Variants in SUMF1 observed in about 807,000 individuals in gnomAD.
The protein encoded by SUMF1 is formylglycine-generating enzyme.
In SUMF1, 48 loss-of-function variants were observed where a neutral mutation model predicts 47.6. That is an observed-to-expected ratio of 1.01 (90% confidence interval 0.80 to 1.28). SUMF1 has a LOEUF of 1.28. SUMF1 is among the 50% of genes most tolerant of loss of function. SUMF1 has a pLI of 0.00. For synonymous variants in SUMF1, 230 were observed against 192.1 expected, an observed-to-expected ratio of 1.20 and a Z score of -1.63; for missense variants, 571 against 485.4, an observed-to-expected ratio of 1.18 and a Z score of -1.66.
At chr3:4,184,445 A>G (rs962224681) in intron 8 of SUMF1, among the ~76,000 whole-genome samples, 2 of 151,934 alleles carry the variant, frequency 1.3e-5, no homozygotes, top group Non-Finnish European at 2.9e-5. Context: ...GACAAAGTGA[A>G]ACTGGGTCTC....
intron 8 of SUMF1, chr3:4,317,007 G>A (rs1248012681): frequency 2.6e-6 from 4 of 1,549,178 alleles, no homozygotes; most frequent in Non-Finnish European, 3.5e-6. Context: ...GAATGAATTG[G>A]GCTATGAAGT....
chr3:4,046,525 C>T (rs1695010306), intron 9 of SUMF1, among the ~76,000 whole-genome samples: 2 of 151,822 alleles, frequency 1.3e-5, no homozygotes, highest in African/African-American at 2.4e-5. Flanking sequence ...CAGCCTTCTT[C>T]GTCTCAATAA....
At chr3:4,453,458 C>T (rs1049089394) in intron 1 of SUMF1, among the ~76,000 whole-genome samples, 2 of 152,038 alleles carry the variant, frequency 1.3e-5, no homozygotes. Context: ...GCATTGACTT[C>T]CCAGACTCAA....
At chr3:4,284,145 G>C (rs1697582863) in intron 8 of SUMF1, among the ~76,000 whole-genome samples, 2 of 152,084 alleles carry the variant, frequency 1.3e-5, no homozygotes, top group Non-Finnish European at 1.5e-5. Context: ...GCCAGGAGCA[G>C]AGGCTTATGC....
At chr3:4,333,050 C>A (rs911467574) in intron 8 of SUMF1, among the ~76,000 whole-genome samples, 1 of 152,198 alleles carries the variant, frequency 6.6e-6, no homozygotes, top group East Asian at 1.9e-4. Context: ...AGCTCCCCAT[C>A]CATCCTGCTG....
intron 8 of SUMF1, among the ~76,000 whole-genome samples, chr3:4,173,559 G>A (rs1011042653): frequency 2.0e-5 from 3 of 152,100 alleles, no homozygotes; most frequent in Admixed American, 2.0e-4. Flanking sequence ...AAATCATTCT[G>A]CTATAAAGAC....
At chr3:4,425,603 C>A (rs139355354) in intron 3 of SUMF1, among the ~76,000 whole-genome samples, 1 of 152,244 alleles carries the variant, frequency 6.6e-6, no homozygotes, top group East Asian at 1.9e-4. Flanking sequence ...TGTGTCACTT[C>A]CAAAGACTTC....
chr3:4,392,385 T>C (rs1157352805), intron 7 of SUMF1, among the ~76,000 whole-genome samples: 2 of 152,166 alleles, frequency 1.3e-5, no homozygotes, highest in South Asian at 2.1e-4. Context: ...TTTTAAGTCT[T>C]TGTTAAATCT....
chr3:4,297,388 T>C (rs1697874228), intron 8 of SUMF1, among the ~76,000 whole-genome samples: 1 of 152,088 alleles, frequency 6.6e-6, no homozygotes, highest in Admixed American at 6.5e-5. Flanking sequence ...CTACTTGGTA[T>C]CTACTGGTGT....
intron 8 of SUMF1, chr3:4,304,011 T>G: frequency 2.8e-6 from 1 of 362,700 alleles, no homozygotes; most frequent in South Asian, 3.3e-5. Context: ...AGCCTTAGAG[T>G]CTTCCAGCGT....
At chr3:4,420,011 GTACC>G in intron 4 of SUMF1, 49 bp downstream of exon 4, 1 of 1,453,448 alleles carries the variant, frequency 6.9e-7, no homozygotes. Flanking sequence ...AGAGCAAAGG[GTACC>G]TATTTTGCAA....
chr3:4,078,008 G>A (rs1425418962), intron 8 of SUMF1, among the ~76,000 whole-genome samples: 1 of 151,758 alleles, frequency 6.6e-6, no homozygotes, highest in Admixed American at 6.6e-5. Flanking sequence ...TAAACAAGAG[G>A]GCCCATATTT....
At chr3:4,146,457 G>A (rs1001956320) in intron 8 of SUMF1, among the ~76,000 whole-genome samples, 6 of 152,022 alleles carry the variant, frequency 3.9e-5, no homozygotes. Flanking sequence ...CCTTCCACAT[G>A]AAATCAACAC....
At chr3:4,128,308 G>A (rs1693705164) in intron 8 of SUMF1, among the ~76,000 whole-genome samples, 1 of 152,112 alleles carries the variant, frequency 6.6e-6, no homozygotes, top group Non-Finnish European at 1.5e-5. Flanking sequence ...AAAATATTGG[G>A]CCCTGAAACT....
chr3:4,141,595 C>T (rs1419362219), intron 8 of SUMF1, among the ~76,000 whole-genome samples: 7 of 152,058 alleles, frequency 4.6e-5, no homozygotes, highest in Non-Finnish European at 8.8e-5. Context: ...CCCAGGAGTT[C>T]GAGACTACAG....
At chr3:4,141,427 T>C (rs1441145209) in intron 8 of SUMF1, among the ~76,000 whole-genome samples, 1 of 152,114 alleles carries the variant, frequency 6.6e-6, no homozygotes, top group East Asian at 1.9e-4. Context: ...GCCCAGAGGA[T>C]AACTTGACCA....
chr3:4,451,020 G>A (rs1702950244), intron 2 of SUMF1, among the ~76,000 whole-genome samples: 1 of 151,686 alleles, frequency 6.6e-6, no homozygotes, highest in African/African-American at 2.4e-5. Context: ...TGAGCTCCTT[G>A]GCAGTATGGT....
chr3:4,317,451 G>A (rs1698710103), intron 8 of SUMF1: 1 of 507,566 alleles, frequency 2.0e-6, no homozygotes, highest in Non-Finnish European at 3.5e-6. Flanking sequence ...GGGAGGCCCA[G>A]GCGGGCAGAT....
chr3:4,083,126 T>A (rs766072447), intron 8 of SUMF1, among the ~76,000 whole-genome samples: 1 of 152,098 alleles, frequency 6.6e-6, no homozygotes, highest in Non-Finnish European at 1.5e-5. Context: ...CTGAAAAGGA[T>A]GAAATCCTGG....
Sources: allele counts gnomAD v4.1 joint callset (sites outside exome capture counted in the v4.1 genomes callset), GRCh38; gene constraint gnomAD v4.1.1; transcripts MANE v1.5; gene names NCBI Gene and HGNC (gene_info 2026-07-23, HGNC 2026-07-21).